Variants in EPHA5 observed in about 807,000 individuals in gnomAD.
EPHA5 encodes the protein ephrin type-A receptor 5.
Under a neutral mutation model 105.0 loss-of-function variants are expected in EPHA5, and 60 were observed. The observed-to-expected ratio is 0.57, with a 90% CI of 0.46 to 0.71. The LOEUF (loss-of-function observed/expected upper bound fraction) is 0.71, where lower values mean the gene tolerates loss of function less well. Among genes scored for constraint, EPHA5 ranks in the 30% least tolerant of loss-of-function variants. The pLI, the probability that EPHA5 is intolerant of heterozygous loss-of-function variation, is 0.00. For synonymous variants in EPHA5, 513 were observed against 449.1 expected (o/e 1.14, Z -1.80); for missense variants, 1,218 against 1,274.7 (o/e 0.96, Z 0.68).
chr4:65,626,649 C>T (rs1248149005), intron 2 of EPHA5, among the ~76,000 whole-genome samples: 1 of 152,062 alleles, frequency 6.6e-6, no homozygotes, highest in East Asian at 1.9e-4. Context: ...GCCATTATGG[C>T]CATTACGTAT....
At chr4:65,616,102 C>A (rs1218603649) in intron 2 of EPHA5, among the ~76,000 whole-genome samples, 2 of 151,704 alleles carry the variant, frequency 1.3e-5, no homozygotes, top group African/African-American at 4.8e-5. Context: ...TACGACTCAA[C>A]AATAAAAAGA....
At chr4:65,589,658 A>G (rs1742446698) in intron 3 of EPHA5, among the ~76,000 whole-genome samples, 1 of 152,230 alleles carries the variant, frequency 6.6e-6, no homozygotes, top group Non-Finnish European at 1.5e-5. Flanking sequence ...CAGATGACAC[A>G]CAGAACCTTC....
chr4:65,404,486 G>A lies in EPHA5; in HGVS notation c.1688-7C>T, dbSNP rs1274965643. The A allele has an allele frequency of 2.5e-6, 4 of 1,612,384 alleles. No individual in the cohort carries two copies. Among genetic ancestry groups the A allele is most frequent in the Non-Finnish European group, 3.4e-6 (4 of 1,178,836 alleles). On this transcript the variant is annotated splice_polypyrimidine_tract_variant and splice_region_variant and intron_variant, in intron 7 of 16. Transcript: ENST00000613740. Reference sequence around the variant, plus strand: ...TCGCTGGATGCTGCAACTGCTGATAGGAGATACAGAAAATGGAGCTTGTGG... The same window carrying A: ...TCGCTGGATGCTGCAACTGCTGATAAGAGATACAGAAAATGGAGCTTGTGG...
At chr4:65,624,003 A>C (rs1216772832) in intron 2 of EPHA5, among the ~76,000 whole-genome samples, 1 of 152,192 alleles carries the variant, frequency 6.6e-6, no homozygotes, top group Non-Finnish European at 1.5e-5. Context: ...AATGCTAAAA[A>C]TGTATATATT....
intron 3 of EPHA5, among the ~76,000 whole-genome samples, chr4:65,509,462 A>T (rs915835750): frequency 1.3e-5 from 2 of 152,144 alleles, no homozygotes; most frequent in Non-Finnish European, 2.9e-5. Context: ...CAGAAGCCAG[A>T]GAGGGAAGAA....
chr4:65,623,984 A>C (rs1745924478), intron 2 of EPHA5, among the ~76,000 whole-genome samples: 1 of 152,286 alleles, frequency 6.6e-6, no homozygotes, highest in South Asian at 2.1e-4. Flanking sequence ...GCCAAGCAAA[A>C]CTTTAGAAAA....
chr4:65,659,572 C>T (rs1749382488), intron 1 of EPHA5, among the ~76,000 whole-genome samples: 1 of 151,830 alleles, frequency 6.6e-6, no homozygotes, highest in Non-Finnish European at 1.5e-5. Context: ...GAAATATCTC[C>T]AAGACCTCAC....
At chr4:65,376,922 AG>A in intron 8 of EPHA5, 1 of 1,318,386 alleles carries the variant, frequency 7.6e-7, no homozygotes, top group South Asian at 1.7e-5. Flanking sequence ...ACACAAATGG[AG>A]AAAGAAAAGG....
chr4:65,525,395 A>G (rs1735134547), intron 3 of EPHA5, among the ~76,000 whole-genome samples: 1 of 151,788 alleles, frequency 6.6e-6, no homozygotes, highest in Admixed American at 6.6e-5. Context: ...TTTATCATGA[A>G]TCTAATATAT....
At chr4:65,417,969 G>C (rs923756689) in intron 6 of EPHA5, among the ~76,000 whole-genome samples, 1 of 151,990 alleles carries the variant, frequency 6.6e-6, no homozygotes, top group African/African-American at 2.4e-5. Context: ...CTTTCCTCAA[G>C]GACAAAAAAG....
intron 3 of EPHA5, among the ~76,000 whole-genome samples, chr4:65,551,971 G>A (rs1412184552): frequency 6.6e-6 from 1 of 152,060 alleles, no homozygotes; most frequent in Non-Finnish European, 1.5e-5. Flanking sequence ...CTGGTGGCAC[G>A]AAAATACAAA....
Position 65,320,420 on chromosome 4 carries a change from A to C in EPHA5, c.*3694T>G, listed in dbSNP as rs1719549706. 1 of 229,982 alleles carries C rather than the reference A, an allele frequency of 4.3e-6. No homozygotes were observed. Among genetic ancestry groups the C allele is most frequent in the Admixed American group, 5.7e-5 (1 of 17,598 alleles). 14.2% of individuals were successfully genotyped at this position (229,982 alleles called of 1,614,324 possible). A position where few individuals can be genotyped will look rare whatever the true frequency, so the allele number is the denominator to read the frequency against. Reference sequence around the variant, plus strand: ...TAAACATCTGGCAGGACATTAGCAAAGACAGTTTACTATCACACTTCTTTT... The same window carrying C: ...TAAACATCTGGCAGGACATTAGCAACGACAGTTTACTATCACACTTCTTTT... On this transcript the variant is annotated 3_prime_UTR_variant, in exon 17 of 17. Transcript: ENST00000613740.
intron 2 of EPHA5, among the ~76,000 whole-genome samples, chr4:65,620,373 A>G (rs868665056): frequency 6.6e-6 from 1 of 152,062 alleles, no homozygotes; most frequent in Non-Finnish European, 1.5e-5. Context: ...TGATGAGTCT[A>G]ACATCTAGCC....
At chr4:65,342,254 A>T (rs1721802380) in intron 14 of EPHA5, among the ~76,000 whole-genome samples, 1 of 152,044 alleles carries the variant, frequency 6.6e-6, no homozygotes, top group Non-Finnish European at 1.5e-5. Flanking sequence ...AAAGCATAAG[A>T]ATTTTCATGA....
chr4:65,541,745 G>GCAGACCTAA (rs1361540719), intron 3 of EPHA5, among the ~76,000 whole-genome samples: 1 of 150,376 alleles, frequency 6.6e-6, no homozygotes, highest in Non-Finnish European at 1.5e-5. Context: ...TTTGGATTAA[G>GCAGACCTAA]TGGATTTATC....
chr4:65,572,128 A>C (rs1740255227), intron 3 of EPHA5, among the ~76,000 whole-genome samples: 1 of 152,090 alleles, frequency 6.6e-6, no homozygotes, highest in South Asian at 2.1e-4. Context: ...TATCTTCAGA[A>C]ATAACGTGGC....
chr4:65,404,500 T>C (rs374248218), intron 7 of EPHA5, 21 bp from the exon 8 acceptor site: 6 of 1,606,646 alleles, frequency 3.7e-6, no homozygotes, highest in Non-Finnish European at 5.1e-6. Context: ...ATACAGAAAA[T>C]GGAGCTTGTG....
chr4:65,481,157 C>T (rs546924867), intron 5 of EPHA5, among the ~76,000 whole-genome samples: 45 of 152,196 alleles, frequency 3.0e-4, no homozygotes, highest in African/African-American at 1.0e-3. Context: ...TCTAAATGCA[C>T]TTCATAGTTT....
intron 3 of EPHA5, among the ~76,000 whole-genome samples, chr4:65,538,865 G>A (rs1736547913): frequency 6.6e-6 from 1 of 151,720 alleles, no homozygotes; most frequent in African/African-American, 2.4e-5. Flanking sequence ...CTGACCTAAA[G>A]ATGGTAAGAA....
Sources: allele counts gnomAD v4.1 joint callset (sites outside exome capture counted in the v4.1 genomes callset), GRCh38; gene constraint gnomAD v4.1.1; transcripts MANE v1.5; gene names NCBI Gene and HGNC (gene_info 2026-07-23, HGNC 2026-07-21).